SPINT1: variants seen among roughly 807,000 people sequenced by gnomAD.
SPINT1 encodes the protein serine peptidase inhibitor, Kunitz type 1.
SPINT1 carries 38 observed loss-of-function variants against 53.7 expected under a neutral mutation model. The observed-to-expected ratio is 0.71, with a 90% CI of 0.55 to 0.93. The LOEUF (loss-of-function observed/expected upper bound fraction) is 0.93. SPINT1 is among the 40% of genes least tolerant of loss of function. The pLI is 0.00. For synonymous variants in SPINT1, 283 were observed against 280.6 expected, an observed-to-expected ratio of 1.01 and a Z score of -0.08; for missense variants, 645 against 692.9, an observed-to-expected ratio of 0.93 and a Z score of 0.78.
intron 2 of SPINT1, among the ~76,000 whole-genome samples, 169 bp from the exon 3 acceptor site, chr15:40,852,955 A>C (rs1891506816): frequency 6.6e-6 from 1 of 151,996 alleles, no homozygotes; most frequent in Non-Finnish European, 1.5e-5. Context: ...CTCTGAATAG[A>C]GATCAAGAAG....
Position 40,856,284 on chromosome 15 carries a change from G to A in SPINT1, c.1297G>A (p.Val433Met), listed in dbSNP as rs539867813. 8.1e-6 allele frequency: 13 copies of A among 1,614,076 alleles called. No individual in the cohort carries two copies. Among genetic ancestry groups the A allele is most frequent in the Non-Finnish European group, 9.3e-6 (11 of 1,180,048 alleles). Residue 433 changes from valine (V) to methionine (M), a missense_variant, in exon 10 of 11, where the codon GTG becomes ATG. Physicochemically the swap from Val to Met is conservative, Grantham distance 21 (BLOSUM62 1). Coordinates refer to ENST00000562057, the MANE Select transcript of SPINT1 (RefSeq NM_003710.4). ...CCCTCATCATTCTGCAGAGAAGGAT[G>A]TGTTTGGCCTGAGGCGGGAAATCCC... ...ESCRGISKKD[V>M]FGLRREIPIP...
chr15:40,852,202 C>T (rs1891477745), intron 2 of SPINT1, among the ~76,000 whole-genome samples: 1 of 152,206 alleles, frequency 6.6e-6, no homozygotes, highest in Non-Finnish European at 1.5e-5. Flanking sequence ...TCACTCTAGT[C>T]TCTGCCTCTG....
At position 40,855,037 on chromosome 15, in the gene SPINT1, T is replaced by C. The variant is rs376996258; in HGVS notation, c.1117+348T>C. Among the ~76,000 whole-genome samples the C allele has an allele frequency of 1.1e-3, 165 of 152,336 alleles. 3 individuals carry two copies. In the South Asian group the frequency reaches 0.025, roughly 23 times the overall value. On this transcript the variant is annotated intron_variant, in intron 8 of 10. Coordinates refer to ENST00000562057, the MANE Select transcript of SPINT1 (RefSeq NM_003710.4). ...ATCACTACCATAAATGGGAAGCCAC[T>C]ATTACTTGCCAAACATTGAAAAACA...
At chr15:40,853,032 G>A in intron 2 of SPINT1, 92 bp from the exon 3 acceptor site, 2 of 1,524,738 alleles carry the variant, frequency 1.3e-6, no homozygotes, top group Non-Finnish European at 1.8e-6. Context: ...GGTCTAGGTG[G>A]GGCCCATACT....
chr15:40,845,308 G>A (rs1038699544), intron 2 of SPINT1, among the ~76,000 whole-genome samples: 1 of 134,194 alleles, frequency 7.5e-6, no homozygotes, highest in African/African-American at 2.8e-5. Flanking sequence ...CCCGCTACCA[G>A]ACCCGGCTAA....
intron 2 of SPINT1, among the ~76,000 whole-genome samples, chr15:40,852,791 T>A (rs1434428776): frequency 6.6e-6 from 1 of 151,534 alleles, no homozygotes; most frequent in East Asian, 1.9e-4. Flanking sequence ...ATTGCTTGAG[T>A]TTGAGGCTGT....
chr15:40,852,141 T>G (rs1891476089), intron 2 of SPINT1, among the ~76,000 whole-genome samples: 1 of 152,212 alleles, frequency 6.6e-6, no homozygotes, highest in Admixed American at 6.5e-5. Flanking sequence ...GAATCCTTCC[T>G]TGTCTTTTCC....
intron 8 of SPINT1, 81 bp downstream of exon 8, chr15:40,854,770 G>A (rs2142015278): frequency 6.4e-7 from 1 of 1,553,334 alleles, no homozygotes; most frequent in Non-Finnish European, 8.8e-7. Context: ...CAGTGCCTGA[G>A]GGGCCTGCTG....
Position 40,853,117 on chromosome 15 carries a change from C to A in SPINT1, c.476-7C>A. 1.2e-6 allele frequency: 2 copies of A among 1,613,084 alleles called. No individual in the cohort carries two copies. The highest frequency in any genetic ancestry group is 1.1e-5 in the South Asian group (1 of 91,012). On this transcript the variant is annotated splice_polypyrimidine_tract_variant and splice_region_variant and intron_variant, in intron 2 of 10. Coordinates refer to ENST00000562057, the MANE Select transcript of SPINT1 (RefSeq NM_003710.4). ...ATTGACCTTATCTCACTTTCTCTCC[C>A]CGCCAGGGTCTGGGATCCCCAAGGC...
At position 40,844,891 on chromosome 15, in the gene SPINT1, A is replaced by G; in HGVS notation, c.337A>G (p.Ile113Val). The change falls in exon 2 of 11, where the codon ATC (isoleucine) becomes GTC (valine). Residue 113 changes from isoleucine to valine, a missense_variant. By Grantham distance (29) the Ile-to-Val change is conservative. Transcript: ENST00000562057. The surrounding 1 kb of genome is among the most constrained non-coding windows in gnomAD (Gnocchi z 5.8). ...GCAGCCCGACCGCGGGGAGGACGCCATCGCCGCCTGCTTCCTCATCAACTG... is the reference window on the plus strand; with the variant it reads ...GCAGCCCGACCGCGGGGAGGACGCCGTCGCCGCCTGCTTCCTCATCAACTG... ...ELQPDRGEDA[I>V]AACFLINCLY... 3 of 1,613,924 alleles carry G rather than the reference A, an allele frequency of 1.9e-6. No individual in the cohort carries two copies. Among genetic ancestry groups the G allele is most frequent in the Non-Finnish European group, 8.5e-7 (1 of 1,180,032 alleles).
intron 6 of SPINT1, 83 bp from the exon 7 acceptor site, chr15:40,854,314 G>A: frequency 6.6e-7 from 1 of 1,504,848 alleles, no homozygotes. Flanking sequence ...GATGTGCTGT[G>A]TCTGGGCAGA....
Position 40,857,567 on chromosome 15 carries a change from A to G in SPINT1, c.*592A>G, listed in dbSNP as rs689626. On this transcript the variant is annotated 3_prime_UTR_variant, in exon 11 of 11. Coordinates refer to ENST00000562057, the MANE Select transcript of SPINT1 (RefSeq NM_003710.4). ...TAGACCAGCAGACAGAGCCAGGAGA[A>G]GCTCAGCTGCATTCCGCAGCCCCCA... 0.76 allele frequency: 115,495 copies of G among 152,312 alleles called. 45,047 individuals carry two copies. The highest frequency in any genetic ancestry group is 0.99 in the East Asian group (5,119 of 5,168). The allele number at this position is 152,312 out of a possible 1,614,324, so 9.4% of individuals were successfully genotyped here.
Position 40,856,004 on chromosome 15 carries a change from CAACAAG to C in SPINT1, c.1236_1241del (p.Lys412_Asn413del). On this transcript the variant is annotated inframe_deletion, in exon 9 of 11. Coordinates refer to ENST00000562057, the MANE Select transcript of SPINT1 (RefSeq NM_003710.4). ...GCTTTACCTATGGTGGTTGTTACGGCAACAAGAACAACTTTGAGGAAGAGCAGCAGT... is the reference window on the plus strand; with the variant it reads ...GCTTTACCTATGGTGGTTGTTACGGCAACAACTTTGAGGAAGAGCAGCAGT... The C allele has an allele frequency of 1.9e-6, 3 of 1,614,216 alleles. No individual in the cohort carries two copies. The highest frequency in any genetic ancestry group is 2.5e-6 in the Non-Finnish European group (3 of 1,180,038).
intron 2 of SPINT1, among the ~76,000 whole-genome samples, chr15:40,846,725 C>T (rs898862643): frequency 3.9e-5 from 6 of 152,132 alleles, no homozygotes; most frequent in South Asian, 4.1e-4. Context: ...GGCTTTCCTC[C>T]GCAGACTTTT....
rs750564988 is a variant in SPINT1, at chr15:40,853,609, TCCA to T, written c.728_730del (p.Thr243del). Reference sequence around the variant, plus strand: ...GGCCAACGTCACAGTCACTGTGCTGTCCACCAAGCAGACAGAAGGTGAGGGAGG... The same window carrying T: ...GGCCAACGTCACAGTCACTGTGCTGTCCAAGCAGACAGAAGGTGAGGGAGG... On this transcript the variant is annotated inframe_deletion, in exon 4 of 11. Transcript: ENST00000562057. 1 of 1,613,798 alleles carries T rather than the reference TCCA, an allele frequency of 6.2e-7. No homozygotes were observed. The highest frequency in any genetic ancestry group is 8.5e-7 in the Non-Finnish European group (1 of 1,179,886).
intron 2 of SPINT1, among the ~76,000 whole-genome samples, chr15:40,845,393 C>A (rs753697216): frequency 8.2e-6 from 1 of 122,082 alleles, no homozygotes; most frequent in African/African-American, 3.2e-5. Flanking sequence ...TGGTCTTGAA[C>A]TTCTGAACTC....
In SPINT1 at chr15:40,856,202, G is replaced by A. The variant is rs942528509; in HGVS notation, c.1289-74G>A. ...GAGTGGGAGAGGATGCCAGTGTGAG[G>A]TCTGGGGCACTGGGGAGCAGCTGAG... On this transcript the variant is annotated intron_variant, in intron 9 of 10. Coordinates refer to ENST00000562057, the MANE Select transcript of SPINT1 (RefSeq NM_003710.4). 8.1e-6 allele frequency: 13 copies of A among 1,598,834 alleles called. No homozygotes were observed. The African/African-American group carries it at 1.6e-4, about 20-fold the overall frequency.
intron 2 of SPINT1, among the ~76,000 whole-genome samples, chr15:40,846,847 G>A (rs527593241): frequency 2.6e-4 from 40 of 152,328 alleles, no homozygotes; most frequent in Non-Finnish European, 5.1e-4. Context: ...GTGGATGGGA[G>A]GGGGACATAT....
chr15:40,856,348 T>G (rs766065211), intron 10 of SPINT1, 25 bp downstream of exon 10: 5 of 1,614,014 alleles, frequency 3.1e-6, no homozygotes, highest in Non-Finnish European at 4.2e-6. Flanking sequence ...GTCCTGTAAC[T>G]GAGGTTAGCA....
Sources: allele counts gnomAD v4.1 joint callset (sites outside exome capture counted in the v4.1 genomes callset), GRCh38; gene constraint gnomAD v4.1.1; non-coding constraint Gnocchi (gnomAD v3.1); transcripts MANE v1.5; gene names NCBI Gene and HGNC (gene_info 2026-07-23, HGNC 2026-07-21).